The following EPB41L2 variants were observed in gnomAD, a reference collection of about 807,000 sequenced individuals.
The protein encoded by EPB41L2 is erythrocyte membrane protein band 4.1 like 2, also known as band 4.1-like protein 2.
Under a neutral mutation model 113.0 loss-of-function variants are expected in EPB41L2, and 43 were observed. The observed-to-expected ratio is 0.38, with a 90% CI of 0.30 to 0.49. The LOEUF is 0.49. Ranked by LOEUF, EPB41L2 falls within the 20% of genes least tolerant of loss-of-function variation. The pLI is 0.95. For synonymous variants in EPB41L2, 442 were observed against 436.7 expected (o/e 1.01, Z -0.15); for missense variants, 1,147 against 1,223.4 (o/e 0.94, Z 0.93).
intron 1 of EPB41L2, among the ~76,000 whole-genome samples, chr6:130,977,089 G>A (rs1385878456): frequency 6.6e-6 from 1 of 152,164 alleles, no homozygotes; most frequent in Non-Finnish European, 1.5e-5. Flanking sequence ...CACTTTGAAG[G>A]AGCAGATGCT....
chr6:130,878,304 G>A, intron 13 of EPB41L2, 54 bp from the exon 14 acceptor site: 1 of 1,537,656 alleles, frequency 6.5e-7, no homozygotes, highest in South Asian at 1.3e-5. Context: ...AAAAAACCCA[G>A]TAGGACAAAA....
At chr6:130,996,432 G>GT (rs1230655104) in intron 1 of EPB41L2, among the ~76,000 whole-genome samples, 1 of 152,160 alleles carries the variant, frequency 6.6e-6, no homozygotes, top group African/African-American at 2.4e-5. Context: ...ATCTTTACTT[G>GT]TTTCAAAGCC....
intron 1 of EPB41L2, among the ~76,000 whole-genome samples, chr6:131,049,613 C>T (rs1323303932): frequency 1.3e-5 from 2 of 152,158 alleles, no homozygotes; most frequent in Non-Finnish European, 2.9e-5. Flanking sequence ...TCCCCAAAAG[C>T]GAAGGCTGAA....
intron 1 of EPB41L2, among the ~76,000 whole-genome samples, chr6:131,044,499 ATC>A (rs1394487001): frequency 1.3e-5 from 2 of 152,230 alleles, no homozygotes; most frequent in Non-Finnish European, 2.9e-5. Context: ...AAAATTCAGA[ATC>A]TTTTTCATCT....
At chr6:130,882,069 T>C (rs575895024) in intron 12 of EPB41L2, 18 of 152,188 alleles carry the variant, frequency 1.2e-4, no homozygotes, top group Non-Finnish European at 2.2e-4. Context: ...ATTCTACTAA[T>C]ATACATCAGG....
intron 3 of EPB41L2, among the ~76,000 whole-genome samples, chr6:130,943,675 A>C (rs1811675477): frequency 6.6e-6 from 1 of 152,252 alleles, no homozygotes; most frequent in African/African-American, 2.4e-5. Flanking sequence ...CTGGTTTTGA[A>C]ACCAAATGTG....
At chr6:131,062,569 C>A (rs963206392) in intron 1 of EPB41L2, 43 of 151,622 alleles carry the variant, frequency 2.8e-4, no homozygotes, top group African/African-American at 1.0e-3. Flanking sequence ...CCGACCCGCA[C>A]CGCGCGTGGG....
intron 8 of EPB41L2, among the ~76,000 whole-genome samples, chr6:130,895,693 A>C (rs1363229041): frequency 6.6e-6 from 1 of 152,192 alleles, no homozygotes; most frequent in African/African-American, 2.4e-5. Flanking sequence ...GTTTTTCATT[A>C]ACTTAGAATG....
At chr6:131,022,986 G>A (rs6900810) in intron 1 of EPB41L2, among the ~76,000 whole-genome samples, 121,657 of 152,118 alleles carry the variant, frequency 0.8, 49,038 homozygotes, top group African/African-American at 0.88. Flanking sequence ...CCTTATTTCC[G>A]TTACCTACAA....
At chr6:130,968,584 G>C (rs572987219) in intron 1 of EPB41L2, among the ~76,000 whole-genome samples, 1 of 152,116 alleles carries the variant, frequency 6.6e-6, no homozygotes, top group Non-Finnish European at 1.5e-5. Context: ...GTTGGCCCCA[G>C]TCCACTGGCT....
chr6:130,978,423 T>C (rs985335310), intron 1 of EPB41L2, among the ~76,000 whole-genome samples: 14 of 152,190 alleles, frequency 9.2e-5, no homozygotes, highest in African/African-American at 3.1e-4. Context: ...TTCCAGTCCT[T>C]CATAACTTTA....
chr6:130,861,967 G>C (rs1411127091), intron 18 of EPB41L2, among the ~76,000 whole-genome samples: 1 of 151,816 alleles, frequency 6.6e-6, no homozygotes, highest in Non-Finnish European at 1.5e-5. Flanking sequence ...GTTTTAGAAA[G>C]GGCTGAAACA....
At chr6:130,873,336 G>C (rs558779242) in intron 14 of EPB41L2, among the ~76,000 whole-genome samples, 16 of 152,218 alleles carry the variant, frequency 1.1e-4, no homozygotes, top group African/African-American at 3.4e-4. Flanking sequence ...TTAAACAATG[G>C]CTCCCAACCT....
chr6:131,062,073 T>C (rs1798765609), intron 1 of EPB41L2, among the ~76,000 whole-genome samples: 1 of 151,992 alleles, frequency 6.6e-6, no homozygotes, highest in African/African-American at 2.4e-5. Flanking sequence ...AGCTGTGGTG[T>C]TGATGGGGCA....
At chr6:131,020,389 A>T (rs1313818889) in intron 1 of EPB41L2, among the ~76,000 whole-genome samples, 1 of 152,072 alleles carries the variant, frequency 6.6e-6, no homozygotes, top group Non-Finnish European at 1.5e-5. Context: ...TAAGCATCTC[A>T]TATCAGTTTC....
intron 1 of EPB41L2, among the ~76,000 whole-genome samples, chr6:130,966,532 C>T (rs911937767): frequency 6.6e-6 from 1 of 152,084 alleles, no homozygotes; most frequent in African/African-American, 2.4e-5. Context: ...CATACACACA[C>T]ACATTTTCCT....
At chr6:130,842,296 G>GA (rs5880038) in intron 19 of EPB41L2, among the ~76,000 whole-genome samples, 7 of 151,602 alleles carry the variant, frequency 4.6e-5, no homozygotes, top group South Asian at 2.1e-4. Context: ...TAGGCTGGGG[G>GA]AAAAAAAAAT....
At chr6:130,855,209 G>A (rs1779854845) in intron 19 of EPB41L2, among the ~76,000 whole-genome samples, 1 of 151,976 alleles carries the variant, frequency 6.6e-6, no homozygotes, top group Non-Finnish European at 1.5e-5. Context: ...AATTAGCTGG[G>A]CGTGATGGTG....
intron 11 of EPB41L2, 63 bp downstream of exon 11, chr6:130,890,231 T>C: frequency 1.3e-6 from 2 of 1,508,616 alleles, no homozygotes; most frequent in African/African-American, 2.8e-5. Flanking sequence ...GGATTAACAT[T>C]TTCTGACCTC....
Sources: gnomAD v4.1 joint callset for allele counts (sites outside exome capture counted in the v4.1 genomes callset) on GRCh38, gnomAD v4.1.1 for gene constraint, MANE v1.5 for transcripts, NCBI Gene and HGNC (gene_info 2026-07-23, HGNC 2026-07-21) for gene names.